KCNIP4: variants seen among roughly 807,000 people sequenced by gnomAD.
KCNIP4 encodes the protein potassium voltage-gated channel interacting protein 4.
A neutral mutation model predicts 34.0 loss-of-function variants in KCNIP4; 12 were observed. That is an observed-to-expected ratio of 0.35 (90% CI 0.23 to 0.57). KCNIP4 has a LOEUF of 0.57. Among genes scored for constraint, KCNIP4 ranks in the 20% least tolerant of loss-of-function variants. The pLI is 0.83. For synonymous variants in KCNIP4, 124 were observed against 102.2 expected (o/e 1.21, Z -1.29); for missense variants, 238 against 311.7 (o/e 0.76, Z 1.78).
intron 1 of KCNIP4, among the ~76,000 whole-genome samples, chr4:21,798,087 T>C (rs897102461): frequency 6.6e-5 from 10 of 151,502 alleles, no homozygotes; most frequent in African/African-American, 2.2e-4. Context: ...TCCTTCTTTC[T>C]CTCTCCTTAA....
intron 1 of KCNIP4, among the ~76,000 whole-genome samples, chr4:21,192,092 A>C (rs190778028): frequency 1.4e-4 from 22 of 152,332 alleles, no homozygotes; most frequent in African/African-American, 1.7e-4. Flanking sequence ...ACAAGCAGAC[A>C]TTCAATTATA....
At chr4:21,446,209 A>C (rs1279268369) in intron 1 of KCNIP4, among the ~76,000 whole-genome samples, 4 of 152,174 alleles carry the variant, frequency 2.6e-5, no homozygotes, top group Non-Finnish European at 5.9e-5. Context: ...TGTGGAAGTC[A>C]GTGTGGCGAT....
chr4:21,220,082 C>CT, intron 1 of KCNIP4, among the ~76,000 whole-genome samples: 1 of 152,208 alleles, frequency 6.6e-6, no homozygotes, highest in Middle Eastern at 3.4e-3. Flanking sequence ...TGTTTGGTTG[C>CT]TTTTTCACTT....
intron 1 of KCNIP4, among the ~76,000 whole-genome samples, chr4:21,938,317 T>C (rs1237351442): frequency 6.6e-6 from 1 of 152,176 alleles, no homozygotes; most frequent in Non-Finnish European, 1.5e-5. Flanking sequence ...TCTATCTCTT[T>C]AGATTCAGGG....
At chr4:21,362,050 T>C (rs1719287891) in intron 1 of KCNIP4, among the ~76,000 whole-genome samples, 1 of 151,974 alleles carries the variant, frequency 6.6e-6, no homozygotes, top group African/African-American at 2.4e-5. Context: ...AGCAAGACAG[T>C]ACCCATGCAA....
chr4:21,705,461 T>C (rs62302871), intron 1 of KCNIP4, among the ~76,000 whole-genome samples: 4,026 of 152,264 alleles, frequency 0.026, 94 homozygotes, highest in South Asian at 0.094. Flanking sequence ...AAAAATGTAA[T>C]AAATAAAATT....
intron 1 of KCNIP4, among the ~76,000 whole-genome samples, chr4:21,632,565 C>A (rs11935160): frequency 0.55 from 83,870 of 151,944 alleles, 24,071 homozygotes; most frequent in East Asian, 0.86. Context: ...GCCTTTCATG[C>A]AATTGCTCTT....
At chr4:21,830,685 C>G (rs360687) in intron 1 of KCNIP4, among the ~76,000 whole-genome samples, 57,861 of 151,688 alleles carry the variant, frequency 0.38, 12,544 homozygotes, top group Non-Finnish European at 0.51. Flanking sequence ...AACAAACAAA[C>G]AAACAAATAA....
At chr4:21,860,380 T>C (rs1725003232) in intron 1 of KCNIP4, among the ~76,000 whole-genome samples, 1 of 152,116 alleles carries the variant, frequency 6.6e-6, no homozygotes, top group African/African-American at 2.4e-5. Flanking sequence ...GTGATCCGCC[T>C]GCCTCAGCCT....
At chr4:20,878,196 G>A (rs751016357) in intron 2 of KCNIP4, among the ~76,000 whole-genome samples, 2 of 152,076 alleles carry the variant, frequency 1.3e-5, no homozygotes, top group Non-Finnish European at 2.9e-5. Context: ...TACCTCAGAA[G>A]GTGGTTGGGA....
At chr4:21,874,657 C>T (rs981483133) in intron 1 of KCNIP4, among the ~76,000 whole-genome samples, 2 of 152,204 alleles carry the variant, frequency 1.3e-5, no homozygotes, top group Non-Finnish European at 2.9e-5. Flanking sequence ...TTGGGTGCTA[C>T]ACCATTCTAT....
chr4:21,374,266 C>T (rs182359082), intron 1 of KCNIP4, among the ~76,000 whole-genome samples: 8 of 147,216 alleles, frequency 5.4e-5, no homozygotes, highest in Non-Finnish European at 1.2e-4. Context: ...GTAAAGGACT[C>T]ACAGTTCCAT....
intron 1 of KCNIP4, among the ~76,000 whole-genome samples, chr4:21,386,183 CTCTT>C (rs1445283991): frequency 6.6e-6 from 1 of 152,102 alleles, no homozygotes; most frequent in African/African-American, 2.4e-5. Context: ...TGTATCCTTG[CTCTT>C]TCTTAAGGCG....
At chr4:21,022,524 C>T (rs1316798126) in intron 1 of KCNIP4, among the ~76,000 whole-genome samples, 4 of 152,172 alleles carry the variant, frequency 2.6e-5, no homozygotes, top group Non-Finnish European at 4.4e-5. Flanking sequence ...CAAGGTGGTG[C>T]CTTTGCACTG....
intron 1 of KCNIP4, among the ~76,000 whole-genome samples, chr4:21,193,928 A>C (rs2109355991): frequency 6.6e-6 from 1 of 152,320 alleles, no homozygotes; most frequent in Non-Finnish European, 1.5e-5. Flanking sequence ...GTTTCTTAAC[A>C]TGCATCTAGT....
chr4:21,038,745 A>G (rs972733064), intron 1 of KCNIP4, among the ~76,000 whole-genome samples: 2 of 152,236 alleles, frequency 1.3e-5, no homozygotes, highest in Non-Finnish European at 2.9e-5. Flanking sequence ...CAAGTATTTT[A>G]CAAATATCTA....
At chr4:21,570,938 G>A (rs974057069) in intron 1 of KCNIP4, among the ~76,000 whole-genome samples, 1 of 152,040 alleles carries the variant, frequency 6.6e-6, no homozygotes, top group Non-Finnish European at 1.5e-5. Flanking sequence ...AAGTCATATT[G>A]GTTCGACGTG....
At chr4:21,576,701 T>C (rs1042516886) in intron 1 of KCNIP4, among the ~76,000 whole-genome samples, 27 of 152,296 alleles carry the variant, frequency 1.8e-4, no homozygotes, top group South Asian at 1.0e-3. Flanking sequence ...GATTTATTAC[T>C]TTCTTTAATA....
intron 1 of KCNIP4, among the ~76,000 whole-genome samples, chr4:20,917,344 G>C (rs374605968): frequency 6.6e-6 from 1 of 151,422 alleles, no homozygotes; most frequent in African/African-American, 2.4e-5. Flanking sequence ...TATATTTTTT[G>C]AATGACTCTT....
Sources: allele counts gnomAD v4.1 joint callset (sites outside exome capture counted in the v4.1 genomes callset), GRCh38; gene constraint gnomAD v4.1.1; transcripts MANE v1.5; gene names NCBI Gene and HGNC (gene_info 2026-07-23, HGNC 2026-07-21).